PLEKHA4: variants seen among roughly 807,000 people sequenced by gnomAD.
PLEKHA4 encodes pleckstrin homology domain containing A4.
PLEKHA4 carries 73 observed loss-of-function variants against 94.7 expected under a neutral mutation model. The ratio of observed to expected loss-of-function variants is 0.77; its 90% CI spans 0.64 to 0.94. The LOEUF (loss-of-function observed/expected upper bound fraction) is 0.94, where lower values mean the gene tolerates loss of function less well. Ranked by LOEUF, PLEKHA4 falls within the 40% of genes least tolerant of loss-of-function variation. The pLI, the probability that PLEKHA4 is intolerant of heterozygous loss-of-function variation, is 0.00. For synonymous variants in PLEKHA4, 449 were observed against 437.1 expected (o/e 1.03, Z -0.34); for missense variants, 1,049 against 1,054.1 (o/e 1.00, Z 0.07).
At position 48,845,572 on chromosome 19, in the gene PLEKHA4, C is replaced by T. The variant is rs142897659; in HGVS notation, c.1611G>A (p.Glu537=). The T allele has an allele frequency of 5.6e-6, 9 of 1,610,242 alleles. No individual in the cohort carries two copies. The highest frequency in any genetic ancestry group is 7.6e-6 in the Non-Finnish European group (9 of 1,177,752). The change falls in exon 15 of 20, where the codon GAG becomes GAA. Residue 537 remains glutamate, a synonymous_variant. Coordinates refer to ENST00000263265, the MANE Select transcript of PLEKHA4 (RefSeq NM_020904.3). ...CTCCAGGAGGCCGCCCCCAGTCAGT[C>T]TCGGGGGACCTAGGGGAGCTCAGTT... is the stretch of plus-strand genomic sequence containing the variant. ...SLELSSPRSP[E]TDWGRPPGGD...
In PLEKHA4 at chr19:48,865,523, G is replaced by A. The variant is rs749807982; in HGVS notation, c.172C>T (p.Arg58Ter). 16 of 1,613,792 alleles carry A rather than the reference G, an allele frequency of 9.9e-6. No homozygotes were observed. The highest frequency in any genetic ancestry group is 4.5e-5 in the East Asian group (2 of 44,878). Residue 58 changes from arginine to a stop codon, truncating the protein, a stop_gained, in exon 3 of 20, where the codon CGA (arginine) becomes TGA (stop). Transcript: ENST00000263265. LOFTEE classifies it high-confidence loss of function. ...CCCACCTGCTTATGAAGCCAGCCTC[G>A]GATGTGCACGGGAAGGTTGGGATCC... is the stretch of plus-strand genomic sequence containing the variant. ...RRDPNLPVHI[R>*]GWLHKQDSSG... is the part of the protein sequence containing the mutation.
intron 2 of PLEKHA4, among the ~76,000 whole-genome samples, chr19:48,866,970 T>C (rs1414734235): frequency 6.6e-6 from 1 of 152,150 alleles, no homozygotes; most frequent in Non-Finnish European, 1.5e-5. Context: ...CCCGACAATA[T>C]GCCCTTCCTT....
rs1481419434 is a variant in PLEKHA4, at chr19:48,855,613, A to AATAC, written c.1048-1350_1048-1349insGTAT. Among the ~76,000 whole-genome samples the AATAC allele has an allele frequency of 5.4e-5, 8 of 147,012 alleles. No homozygotes were observed. The East Asian group carries it at 1.7e-3, about 30-fold the overall frequency. Reference sequence around the variant, plus strand: ...AGTGAGATTTCGTCTCAAATAAATAAATAAATAAATAAATAAATAAATAAA... The same window carrying AATAC: ...AGTGAGATTTCGTCTCAAATAAATAAATACATAAATAAATAAATAAATAAATAAA... On this transcript the variant is annotated intron_variant, in intron 9 of 19. Coordinates refer to ENST00000263265, the MANE Select transcript of PLEKHA4 (RefSeq NM_020904.3).
In PLEKHA4 at chr19:48,863,504, C is replaced by T. The variant is rs1380408072; in HGVS notation, c.193-1812G>A. On this transcript the variant is annotated intron_variant, in intron 3 of 19. Transcript: ENST00000263265. ...GGAGTGCAGTGGCATGATCTTGGCTCGCTGCAAGCTCCACCTCCTGGGTTC... is the reference window on the plus strand; with the variant it reads ...GGAGTGCAGTGGCATGATCTTGGCTTGCTGCAAGCTCCACCTCCTGGGTTC... Among the ~76,000 whole-genome samples the T allele has an allele frequency of 3.3e-5, 5 of 150,160 alleles. No individual in the cohort carries two copies. The Admixed American group carries it at 3.3e-4, about 10-fold the overall frequency.
rs945965152 is a variant in PLEKHA4, at chr19:48,861,490, C to G, written c.277G>C (p.Glu93Gln). Residue 93 changes from glutamate (E) to glutamine (Q), a missense_variant, in exon 5 of 20, where the codon GAG becomes CAG. Transcript: ENST00000263265. ...AGCAGGACGCTGCCTAGGACACTCT[C>G]CTCGCGGCTGTCTGCAAAGAGGGGC... is the stretch of plus-strand genomic sequence containing the variant. ...CLFYYKDSRE[E>Q]SVLGSVLLPS... The G allele has an allele frequency of 1.2e-6, 2 of 1,614,082 alleles. No individual in the cohort carries two copies. The highest frequency in any genetic ancestry group is 1.7e-6 in the Non-Finnish European group (2 of 1,180,006).
intron 8 of PLEKHA4, among the ~76,000 whole-genome samples, chr19:48,858,276 C>T (rs1053596433): frequency 3.9e-5 from 6 of 152,138 alleles, no homozygotes; most frequent in African/African-American, 1.4e-4. Flanking sequence ...AACCTCTCAC[C>T]GCACTGTCTT....
intron 18 of PLEKHA4, among the ~76,000 whole-genome samples, chr19:48,838,946 A>C (rs147741542): frequency 2.0e-5 from 3 of 151,940 alleles, no homozygotes; most frequent in Admixed American, 6.6e-5. Flanking sequence ...TTTGTAGTCC[A>C]CTCGCGCGTC....
chr19:48,840,900 C>T (rs2035735830), intron 17 of PLEKHA4, among the ~76,000 whole-genome samples: 1 of 152,034 alleles, frequency 6.6e-6, no homozygotes, highest in Admixed American at 6.6e-5. Flanking sequence ...AGAAGAAAAA[C>T]TAGGCTTCCA....
chr19:48,846,405 C>G (rs1469590168), intron 14 of PLEKHA4, among the ~76,000 whole-genome samples: 2 of 151,406 alleles, frequency 1.3e-5, no homozygotes, highest in African/African-American at 4.9e-5. Context: ...GAGCCAAGAT[C>G]GAGCCACTTG....
Position 48,868,446 on chromosome 19 carries a change from TTCTC to T in PLEKHA4, c.-374_-371del, listed in dbSNP as rs59261648. The T allele has an allele frequency of 6.8e-4, 102 of 149,504 alleles. 1 individual carries two copies. Among genetic ancestry groups the T allele is most frequent in the Non-Finnish European group, 1.3e-3 (87 of 67,172 alleles). The allele number at this position is 149,504 out of a possible 1,614,324, so 9.3% of individuals were successfully genotyped here. On this transcript the variant is annotated 5_prime_UTR_variant, in exon 1 of 20. The change abolishes the stop of an existing upstream ORF in the 5' untranslated region. Coordinates refer to ENST00000263265, the MANE Select transcript of PLEKHA4 (RefSeq NM_020904.3). The stretch of plus-strand genomic sequence containing the variant: ...GTCTCTTCCTTAAGTCTCTGTCTCA[TTCTC>T]TCTCTCTCTCTCTCTCTGTCTCTCA...
rs549011587 is a variant in PLEKHA4, at chr19:48,840,025, T to C, written c.1906-762A>G. ...TGGGAGGCTAAGGCAGGAGAATCGT[T>C]TGAACCTGGGAGACAGGGGTCGCAG... On this transcript the variant is annotated intron_variant, in intron 17 of 19. Transcript: ENST00000263265. Among the ~76,000 whole-genome samples the C allele has an allele frequency of 4.6e-5, 7 of 151,968 alleles. No individual in the cohort carries two copies. The East Asian group carries it at 1.4e-3, about 29-fold the overall frequency.
intron 14 of PLEKHA4, among the ~76,000 whole-genome samples, chr19:48,846,368 G>A (rs920364222): frequency 1.3e-5 from 2 of 151,096 alleles, no homozygotes; most frequent in Non-Finnish European, 3.0e-5. Flanking sequence ...GGAGAATGGT[G>A]TGAACCCGGG....
At chr19:48,859,765 G>C in intron 6 of PLEKHA4, 81 bp from the exon 7 acceptor site, 1 of 1,312,864 alleles carries the variant, frequency 7.6e-7, no homozygotes, top group South Asian at 1.3e-5. Flanking sequence ...GAGAACACAA[G>C]GATGCACCCA....
intron 12 of PLEKHA4, 59 bp downstream of exon 12, chr19:48,853,623 T>G: frequency 4.2e-6 from 6 of 1,413,098 alleles, no homozygotes; most frequent in Non-Finnish European, 5.5e-6. Flanking sequence ...GTCCCCTTCG[T>G]AACGACTTGC....
At chr19:48,856,969 G>C (rs537751828) in intron 9 of PLEKHA4, among the ~76,000 whole-genome samples, 47 of 145,154 alleles carry the variant, frequency 3.2e-4, no homozygotes, top group African/African-American at 1.1e-3. Context: ...GAAAGAAAGA[G>C]GTTTTTGCGG....
chr19:48,851,244 A>G (rs2036172828), intron 13 of PLEKHA4, among the ~76,000 whole-genome samples: 1 of 152,236 alleles, frequency 6.6e-6, no homozygotes, highest in African/African-American at 2.4e-5. Flanking sequence ...ATTATTATAC[A>G]TTGCATGCCT....
intron 16 of PLEKHA4, among the ~76,000 whole-genome samples, chr19:48,842,485 G>A (rs1166921834): frequency 6.6e-6 from 1 of 152,128 alleles, no homozygotes; most frequent in Non-Finnish European, 1.5e-5. Context: ...CCAGACCATT[G>A]GCCTAAAAGC....
chr19:48,848,803 A>G (rs1400901364), intron 13 of PLEKHA4, among the ~76,000 whole-genome samples: 1 of 152,050 alleles, frequency 6.6e-6, no homozygotes, highest in African/African-American at 2.4e-5. Context: ...TCTCAAAAAA[A>G]AAAAAAAGAA....
chr19:48,864,121 G>A (rs1394086409), intron 3 of PLEKHA4, among the ~76,000 whole-genome samples: 1 of 151,900 alleles, frequency 6.6e-6, no homozygotes, highest in Non-Finnish European at 1.5e-5. Flanking sequence ...TTGACACCAA[G>A]GTTTTGCCTG....
Sources: gnomAD v4.1 joint callset for allele counts (sites outside exome capture counted in the v4.1 genomes callset) on GRCh38, gnomAD v4.1.1 for gene constraint, MANE v1.5 for transcripts, NCBI Gene and HGNC (gene_info 2026-07-23, HGNC 2026-07-21) for gene names.